PTPDC1: variants seen among roughly 807,000 people sequenced by gnomAD.
PTPDC1 encodes the protein protein tyrosine phosphatase domain containing 1, also known as protein tyrosine phosphatase domain-containing protein 1.
Under a neutral mutation model 75.3 loss-of-function variants are expected in PTPDC1, and 53 were observed. The ratio of observed to expected loss-of-function variants is 0.70; its 90% CI spans 0.56 to 0.88. The LOEUF (loss-of-function observed/expected upper bound fraction) is 0.88. Among genes scored for constraint, PTPDC1 ranks in the 40% least tolerant of loss-of-function variants. The probability of loss-of-function intolerance (pLI) is 0.00; values close to 1 mark genes in which losing one functional copy is unlikely to be tolerated. For missense variants in PTPDC1, 925 were observed against 998.6 expected (o/e 0.93, Z 0.99); for synonymous variants, 349 against 366.2 (o/e 0.95, Z 0.54).
chr9:94,042,097 C>T (rs7045483), intron 1 of PTPDC1, among the ~76,000 whole-genome samples: 24,779 of 152,106 alleles, frequency 0.16, 2,387 homozygotes, highest in East Asian at 0.28. Context: ...TATCCGTAAC[C>T]TCCCAGTCCA....
Position 94,084,634 on chromosome 9 carries a change from A to C in PTPDC1, c.104A>C (p.Gln35Pro). Residue 35 changes from glutamine to proline, a missense_variant, in exon 1 of 9, where the codon CAG becomes CCG. Physicochemically the swap from Gln to Pro is moderately conservative, Grantham distance 76 (BLOSUM62 -1). Transcript: ENST00000620992. ...HSTSDPVLRL[Q>P]QARRGSGLGS... ...ACCTCAGACCCAGTACTGCGGCTGC[A>C]GCAGGCCCGGCGGGGCTCTGGCTTG... 1 of 1,613,438 alleles carries C rather than the reference A, an allele frequency of 6.2e-7. No homozygotes were observed.
intron 8 of PTPDC1, 83 bp from the exon 9 acceptor site, chr9:94,107,745 T>C (rs530726628): frequency 4.3e-5 from 28 of 645,132 alleles, no homozygotes; most frequent in Middle Eastern, 8.9e-4. Context: ...CTGTTTTTTT[T>C]CTCCACCCCC....
chr9:94,092,442 T>C (rs1827363513), intron 4 of PTPDC1, among the ~76,000 whole-genome samples: 1 of 142,570 alleles, frequency 7.0e-6, no homozygotes, highest in Non-Finnish European at 1.5e-5. Flanking sequence ...CACTGTGGTC[T>C]GAGAGATAGT....
chr9:94,046,012 A>G (rs1420768602), intron 1 of PTPDC1, among the ~76,000 whole-genome samples: 3 of 152,156 alleles, frequency 2.0e-5, no homozygotes, highest in Admixed American at 6.5e-5. Flanking sequence ...ATCTTGAATT[A>G]ATTTTTGTAT....
chr9:94,067,294 G>A (rs974734118), intron 2 of PTPDC1, among the ~76,000 whole-genome samples: 32 of 151,902 alleles, frequency 2.1e-4, no homozygotes, highest in Admixed American at 5.2e-4. Context: ...AGAGGCTGAG[G>A]CAGGAGAATT....
At chr9:94,046,647 A>G (rs1197054018) in intron 1 of PTPDC1, among the ~76,000 whole-genome samples, 2 of 151,934 alleles carry the variant, frequency 1.3e-5, no homozygotes, top group Admixed American at 1.3e-4. Flanking sequence ...CTCTCTGTTT[A>G]TCTGTTATTG....
intron 2 of PTPDC1, among the ~76,000 whole-genome samples, chr9:94,065,765 C>T (rs940473070): frequency 1.3e-5 from 2 of 152,204 alleles, no homozygotes; most frequent in Non-Finnish European, 2.9e-5. Context: ...TGGTAACTAC[C>T]ATTTGTGGAC....
At chr9:94,062,788 A>G (rs893543484) in intron 1 of PTPDC1, among the ~76,000 whole-genome samples, 1 of 152,174 alleles carries the variant, frequency 6.6e-6, no homozygotes, top group Non-Finnish European at 1.5e-5. Flanking sequence ...ATTTGACATG[A>G]GATTTGGGTG....
At chr9:94,061,731 G>A (rs970539443) in intron 1 of PTPDC1, among the ~76,000 whole-genome samples, 5 of 152,222 alleles carry the variant, frequency 3.3e-5, no homozygotes, top group African/African-American at 1.2e-4. Context: ...GGAGCTGCTG[G>A]GGTGCAGGGA....
intron 1 of PTPDC1, 61 bp from the exon 2 acceptor site, chr9:94,085,190 C>G: frequency 2.8e-6 from 4 of 1,441,904 alleles, no homozygotes; most frequent in Non-Finnish European, 3.8e-6. Flanking sequence ...AAGCTATTTC[C>G]CATGTTACAA....
intron 1 of PTPDC1, among the ~76,000 whole-genome samples, chr9:94,059,628 G>A (rs774427692): frequency 4.6e-5 from 7 of 152,204 alleles, no homozygotes; most frequent in South Asian, 2.1e-4. Flanking sequence ...GTTTAAAGAC[G>A]GTAGCATAAG....
At chr9:94,094,969 C>A (rs978723627) in intron 4 of PTPDC1, among the ~76,000 whole-genome samples, 5 of 152,238 alleles carry the variant, frequency 3.3e-5, no homozygotes, top group Non-Finnish European at 7.3e-5. Flanking sequence ...TGACCTGCGC[C>A]CACTGTCTGG....
At chr9:94,081,829 A>G (rs1301143076), upstream of PTPDC1, among the ~76,000 whole-genome samples, 1 of 152,282 alleles carries the variant, frequency 6.6e-6, no homozygotes, top group African/African-American at 2.4e-5. Flanking sequence ...ACATATACCT[A>G]GGAATGTTTG....
At chr9:94,052,948 G>T (rs1249284948) in intron 1 of PTPDC1, among the ~76,000 whole-genome samples, 1 of 152,184 alleles carries the variant, frequency 6.6e-6, no homozygotes, top group African/African-American at 2.4e-5. Flanking sequence ...ACCTGTGGCT[G>T]CTTGTGGGAA....
upstream of PTPDC1, among the ~76,000 whole-genome samples, chr9:94,080,653 A>C (rs192818920): frequency 1.4e-4 from 21 of 152,360 alleles, no homozygotes; most frequent in East Asian, 3.7e-3. Context: ...TTGCTACAAA[A>C]TAACTGGCCT....
At chr9:94,093,851 T>A (rs1827426025) in intron 4 of PTPDC1, among the ~76,000 whole-genome samples, 2 of 149,052 alleles carry the variant, frequency 1.3e-5, no homozygotes, top group African/African-American at 5.0e-5. Context: ...CCATTGCTGA[T>A]ACCCTTTCTT....
At chr9:94,096,677 T>C (rs1218754006) in intron 5 of PTPDC1, among the ~76,000 whole-genome samples, 1 of 152,128 alleles carries the variant, frequency 6.6e-6, no homozygotes, top group East Asian at 1.9e-4. Context: ...TTTCCATAAT[T>C]GCTTATGGAA....
chr9:94,059,560 G>A (rs1221336860), intron 1 of PTPDC1, among the ~76,000 whole-genome samples: 4 of 152,160 alleles, frequency 2.6e-5, no homozygotes, highest in South Asian at 4.1e-4. Flanking sequence ...TTGGCATGAT[G>A]GAAAGTATGG....
intron 2 of PTPDC1, among the ~76,000 whole-genome samples, chr9:94,065,434 G>A (rs1826271205): frequency 6.6e-6 from 1 of 152,224 alleles, no homozygotes; most frequent in Non-Finnish European, 1.5e-5. Context: ...TTTTCTAACT[G>A]CCCCCTTGGG....
Sources: allele counts gnomAD v4.1 joint callset (sites outside exome capture counted in the v4.1 genomes callset), GRCh38; gene constraint gnomAD v4.1.1; transcripts MANE v1.5; gene names NCBI Gene and HGNC (gene_info 2026-07-23, HGNC 2026-07-21).